ATG5: variants seen among roughly 807,000 people sequenced by gnomAD.
ATG5 encodes the protein autophagy protein 5.
Under a neutral mutation model 36.5 loss-of-function variants are expected in ATG5, and 14 were observed. The observed-to-expected ratio is 0.38, with a 90% confidence interval of 0.25 to 0.60. The LOEUF (loss-of-function observed/expected upper bound fraction) is 0.60. ATG5 is among the 20% of genes least tolerant of loss of function. The probability of loss-of-function intolerance (pLI) is 0.60; values close to 1 mark genes in which losing one functional copy is unlikely to be tolerated. For missense variants in ATG5, 195 were observed against 326.7 expected (o/e 0.60, Z 3.11); for synonymous variants, 95 against 101.5 (o/e 0.94, Z 0.38).
At chr6:106,210,473 T>C (rs949566702) in intron 6 of ATG5, among the ~76,000 whole-genome samples, 14 of 152,208 alleles carry the variant, frequency 9.2e-5, no homozygotes, top group African/African-American at 2.4e-4. Flanking sequence ...ATGGCAGTTA[T>C]AGTGAGAAAA....
intron 4 of ATG5, among the ~76,000 whole-genome samples, chr6:106,285,359 T>A (rs1040692539): frequency 2.0e-5 from 3 of 151,918 alleles, no homozygotes; most frequent in Non-Finnish European, 2.9e-5. Flanking sequence ...GAGAGTAAAA[T>A]TTTTTTTTAT....
At chr6:106,257,963 A>G (rs894856083) in intron 5 of ATG5, among the ~76,000 whole-genome samples, 1 of 152,198 alleles carries the variant, frequency 6.6e-6, no homozygotes, top group Non-Finnish European at 1.5e-5. Flanking sequence ...CAGGAGCTGT[A>G]GAGAATTAAA....
chr6:106,213,749 C>A (rs74674813), intron 6 of ATG5, among the ~76,000 whole-genome samples: 2 of 152,130 alleles, frequency 1.3e-5, no homozygotes, highest in Non-Finnish European at 2.9e-5. Context: ...CAAATTACAT[C>A]AACCTTTGGG....
At position 106,219,852 on chromosome 6, in the gene ATG5, T is replaced by C. The variant is rs367713820; in HGVS notation, c.574-17763A>G. On this transcript the variant is annotated intron_variant, in intron 6 of 7. Transcript: ENST00000369076. ...TTTCATGAAAAGATTACACCCAAGA[T>C]AGACATATGGTCTACTCAAATACGG... Among the ~76,000 whole-genome samples the C allele has an allele frequency of 8.5e-5, 13 of 152,288 alleles. No homozygotes were observed. The South Asian group carries it at 2.7e-3, about 32-fold the overall frequency.
At chr6:106,212,668 A>G (rs1776902877) in intron 6 of ATG5, among the ~76,000 whole-genome samples, 1 of 152,174 alleles carries the variant, frequency 6.6e-6, no homozygotes, top group Non-Finnish European at 1.5e-5. Flanking sequence ...ACAAAACTCA[A>G]AAAACCCTAT....
chr6:106,191,600 T>C (rs1775968069), intron 7 of ATG5, among the ~76,000 whole-genome samples: 1 of 152,124 alleles, frequency 6.6e-6, no homozygotes, highest in South Asian at 2.1e-4. Flanking sequence ...TCCAGTTACA[T>C]GAAGGATTAA....
chr6:106,260,317 G>A (rs1182634755), intron 5 of ATG5, among the ~76,000 whole-genome samples: 1 of 152,132 alleles, frequency 6.6e-6, no homozygotes, highest in Non-Finnish European at 1.5e-5. Context: ...CTTGGAATTT[G>A]AAATTTAACT....
intron 3 of ATG5, among the ~76,000 whole-genome samples, chr6:106,293,456 AAT>A (rs772088626): frequency 7.9e-5 from 12 of 152,224 alleles, no homozygotes; most frequent in African/African-American, 2.2e-4. Context: ...AATTTATTTA[AAT>A]ATGTTTTTTA....
chr6:106,282,026 A>G (rs1779901196), intron 4 of ATG5, among the ~76,000 whole-genome samples: 1 of 152,224 alleles, frequency 6.6e-6, no homozygotes, highest in South Asian at 2.1e-4. Context: ...GAACAAGTTG[A>G]GTATAATGTG....
chr6:106,251,658 A>G, intron 5 of ATG5, among the ~76,000 whole-genome samples: 1 of 56,844 alleles, frequency 1.8e-5, no homozygotes, highest in Admixed American at 1.9e-4. Context: ...GGAGGGAGGG[A>G]GGAAGGGAGG....
intron 3 of ATG5, among the ~76,000 whole-genome samples, chr6:106,297,865 G>C (rs1770028952): frequency 6.6e-6 from 1 of 151,434 alleles, no homozygotes; most frequent in Admixed American, 6.6e-5. Context: ...GAGCCCAGGA[G>C]TTCGACACTA....
At chr6:106,192,778 G>A (rs780613509) in intron 7 of ATG5, among the ~76,000 whole-genome samples, 1 of 152,110 alleles carries the variant, frequency 6.6e-6, no homozygotes, top group Non-Finnish European at 1.5e-5. Context: ...CTGCCTAGAA[G>A]TTTTAAAAAA....
chr6:106,224,750 G>A (rs1375210019), intron 6 of ATG5, among the ~76,000 whole-genome samples: 1 of 152,072 alleles, frequency 6.6e-6, no homozygotes, highest in Non-Finnish European at 1.5e-5. Flanking sequence ...GTGTGGTGGT[G>A]CATGCCTGTA....
intron 6 of ATG5, among the ~76,000 whole-genome samples, chr6:106,237,962 G>A (rs992667538): frequency 9.9e-5 from 15 of 152,022 alleles, no homozygotes; most frequent in Non-Finnish European, 1.8e-4. Flanking sequence ...AAGTATTCTG[G>A]GAAGAAATGA....
At chr6:106,286,661 G>A (rs1279839125) in intron 4 of ATG5, among the ~76,000 whole-genome samples, 1 of 152,122 alleles carries the variant, frequency 6.6e-6, no homozygotes. Context: ...ATTAAGTCAT[G>A]TTATACAGTA....
intron 7 of ATG5, among the ~76,000 whole-genome samples, chr6:106,193,352 A>G (rs932974758): frequency 2.0e-5 from 3 of 152,206 alleles, no homozygotes; most frequent in African/African-American, 4.8e-5. Flanking sequence ...TATACATTTT[A>G]TATCTTTATT....
At chr6:106,274,959 T>G (rs140766706) in intron 5 of ATG5, among the ~76,000 whole-genome samples, 76 of 152,274 alleles carry the variant, frequency 5.0e-4, no homozygotes, top group African/African-American at 1.8e-3. Context: ...TTGAAAGCAT[T>G]AACAGTTCTG....
intron 3 of ATG5, among the ~76,000 whole-genome samples, chr6:106,305,636 G>C (rs1048660555): frequency 2.6e-5 from 4 of 152,122 alleles, no homozygotes; most frequent in Non-Finnish European, 5.9e-5. Context: ...ATAAATATAG[G>C]AAGGACGTTA....
At chr6:106,203,800 A>G in intron 6 of ATG5, among the ~76,000 whole-genome samples, 1 of 152,136 alleles carries the variant, frequency 6.6e-6, no homozygotes, top group East Asian at 1.9e-4. Context: ...AGGCTGCCTC[A>G]TATTTTATAA....
Sources: gnomAD v4.1 joint callset for allele counts (sites outside exome capture counted in the v4.1 genomes callset) on GRCh38, gnomAD v4.1.1 for gene constraint, MANE v1.5 for transcripts, NCBI Gene and HGNC (gene_info 2026-07-23, HGNC 2026-07-21) for gene names.